Variants in SNAPC4 observed in about 807,000 individuals in gnomAD.
The protein encoded by SNAPC4 is snRNA-activating protein complex subunit 4.
SNAPC4 carries 127 observed loss-of-function variants against 151.3 expected under a neutral mutation model. The observed-to-expected ratio is 0.84, with a 90% confidence interval of 0.73 to 0.97. The LOEUF is 0.97. Ranked by LOEUF, SNAPC4 falls within the 50% of genes least tolerant of loss-of-function variation. SNAPC4 has a pLI of 0.00. For missense variants in SNAPC4, 2,186 were observed against 1,935.0 expected (o/e 1.13, Z -2.43); for synonymous variants, 1,002 against 824.4 (o/e 1.22, Z -3.69).
intron 1 of SNAPC4, among the ~76,000 whole-genome samples, 170 bp downstream of exon 1, chr9:136,399,964 G>A (rs1045963677): frequency 1.3e-5 from 2 of 152,072 alleles, no homozygotes; most frequent in East Asian, 1.9e-4. Flanking sequence ...GCGCGCCCAG[G>A]CTCGGCCGGA....
chr9:136,388,085 T>C (rs1833950084), intron 11 of SNAPC4, among the ~76,000 whole-genome samples: 1 of 152,108 alleles, frequency 6.6e-6, no homozygotes, highest in African/African-American at 2.4e-5. Context: ...CTGACCAACA[T>C]GGTGAAACCC....
At position 136,383,330 on chromosome 9, in the gene SNAPC4, T is replaced by C. The variant is rs371867353; in HGVS notation, c.1839A>G (p.Glu613=). Residue 613 remains glutamate (E), a synonymous_variant, in exon 16 of 24, where the codon GAA becomes GAG. Coordinates refer to ENST00000684778, the MANE Select transcript of SNAPC4 (RefSeq NM_003086.4). The surrounding 1 kb of genome is among the most constrained non-coding windows in gnomAD (Gnocchi z 4.2). ...CAGGAGCCGCGGCTGTGGTGGAAGCTTCCTTGCTGCCGCCCTGGCTGGCAC... is the reference window on the plus strand; with the variant it reads ...CAGGAGCCGCGGCTGTGGTGGAAGCCTCCTTGCTGCCGCCCTGGCTGGCAC... The part of the protein sequence containing the change: ...GSSASQGGSK[E]ASTTAAAPGE... The C allele has an allele frequency of 8.7e-6, 14 of 1,610,992 alleles. No homozygotes were observed. The African/African-American group carries it at 1.7e-4, about 20-fold the overall frequency.
intron 3 of SNAPC4, 138 bp downstream of exon 3, chr9:136,396,838 AT>A: frequency 2.7e-6 from 2 of 751,856 alleles, no homozygotes; most frequent in Non-Finnish European, 4.7e-6. Context: ...ATGCTTTTTA[AT>A]TTTTTTATAA....
intron 17 of SNAPC4, 26 bp downstream of exon 17, chr9:136,382,227 G>A (rs762384803): frequency 3.5e-5 from 57 of 1,608,980 alleles, no homozygotes; most frequent in Non-Finnish European, 4.4e-5. Context: ...GGTGGCGTGC[G>A]CGTGGGTGTC....
chr9:136,380,755 T>C lies in SNAPC4; in HGVS notation c.2484A>G (p.Pro828=). 1 of 1,600,194 alleles carries C rather than the reference T, an allele frequency of 6.2e-7. No individual in the cohort carries two copies. Among genetic ancestry groups the C allele is most frequent in the Non-Finnish European group, 8.6e-7 (1 of 1,168,596 alleles). The change falls in exon 20 of 24, where the codon CCA becomes CCG. Residue 828 remains proline, a synonymous_variant. Coordinates refer to ENST00000684778, the MANE Select transcript of SNAPC4 (RefSeq NM_003086.4). ...RLPQAGARDP[P]VHLLQASSSA... ...TGCCTGCTACCTGCAGAAGATGAAC[T>C]GGTGGGTCCCGAGCACCAGCCTGGG... is the stretch of plus-strand genomic sequence containing the variant.
chr9:136,386,219 G>A (rs1309043767), intron 13 of SNAPC4, among the ~76,000 whole-genome samples: 5 of 151,460 alleles, frequency 3.3e-5, no homozygotes, highest in African/African-American at 1.2e-4. Flanking sequence ...AATGACTCAT[G>A]GCGCCAGGCA....
chr9:136,394,083 A>G (rs1226152929), intron 7 of SNAPC4, among the ~76,000 whole-genome samples, 166 bp downstream of exon 7: 1 of 152,136 alleles, frequency 6.6e-6, no homozygotes, highest in East Asian at 1.9e-4. Flanking sequence ...ACACCCAGCT[A>G]ATTTTTTTAC....
chr9:136,378,994 G>A lies in SNAPC4; in HGVS notation c.2833C>T (p.Pro945Ser), dbSNP rs757329199. The change falls in exon 22 of 24, where the codon CCC becomes TCC. Residue 945 changes from proline (P) to serine (S), a missense_variant. By Grantham distance (74) the Pro-to-Ser change is moderately conservative. Transcript: ENST00000684778. ...GAGAGCGGTACATTTAAGACGGTGG[G>A]ACCCGGGGCTGGGCGGCCGTGTGGG... ...HTPHGRPAPG[P>S]TVLNVPLSGP... is the part of the protein sequence containing the mutation. 1.2e-6 allele frequency: 2 copies of A among 1,607,634 alleles called. No individual in the cohort carries two copies. The highest frequency in any genetic ancestry group is 1.3e-5 in the African/African-American group (1 of 74,912).
Position 136,380,857 on chromosome 9 carries a change from G to A in SNAPC4, c.2389-7C>T. 1 of 1,533,138 alleles carries A rather than the reference G, an allele frequency of 6.5e-7. No homozygotes were observed. 95.0% of individuals were successfully genotyped at this position (1,533,138 alleles called of 1,614,324 possible). A position where few individuals can be genotyped will look rare whatever the true frequency, so the allele number is the denominator to read the frequency against. Reference sequence around the variant, plus strand: ...CAGTATCGATGTGGAACAGCTGCGGGACACAGGAGGCAACCTAACCATAGC... The same window carrying A: ...CAGTATCGATGTGGAACAGCTGCGGAACACAGGAGGCAACCTAACCATAGC... On this transcript the variant is annotated splice_region_variant and splice_polypyrimidine_tract_variant and intron_variant, in intron 19 of 23. Transcript: ENST00000684778.
intron 10 of SNAPC4, among the ~76,000 whole-genome samples, chr9:136,389,191 C>T (rs1588757226): frequency 6.6e-6 from 1 of 152,338 alleles, no homozygotes; most frequent in East Asian, 1.9e-4. Flanking sequence ...CAAATCTTTT[C>T]CTCACTCATC....
Position 136,383,685 on chromosome 9 carries a change from GCTA to G in SNAPC4, c.1501-20_1501-18del. On this transcript the variant is annotated intron_variant, in intron 15 of 23. Transcript: ENST00000684778. This position sits in a 1 kb window ranked among gnomAD's most constrained non-coding sequence, Gnocchi z 4.2. Reference sequence around the variant, plus strand: ...CTGCTTCTTCTGAGGGGAGGAAAGAGCTACTTAGAGGCCTTGGCAAGCCCGGTT... The same window carrying G: ...CTGCTTCTTCTGAGGGGAGGAAAGAGCTTAGAGGCCTTGGCAAGCCCGGTT... The G allele has an allele frequency of 6.3e-7, 1 of 1,586,942 alleles. No individual in the cohort carries two copies. Among genetic ancestry groups the G allele is most frequent in the South Asian group, 1.2e-5 (1 of 85,894 alleles).
chr9:136,377,613 A>T lies in SNAPC4; in HGVS notation c.4214T>A (p.Leu1405His), dbSNP rs200211234. The change falls in exon 22 of 24, where the codon CTC (leucine) becomes CAC (histidine). Residue 1405 changes from leucine to histidine, a missense_variant. Leu to His is a moderately conservative substitution (Grantham distance 99, BLOSUM62 -3). Transcript: ENST00000684778. ...RVGSESEDED[L>H]LSELELADRD... ...GTCTGCAAGTTCCAGCTCACTCAGGAGGTCTTCATCCTCACTCTCAGAGCC... is the reference window on the plus strand; with the variant it reads ...GTCTGCAAGTTCCAGCTCACTCAGGTGGTCTTCATCCTCACTCTCAGAGCC... 9.2e-5 allele frequency: 143 copies of T among 1,557,388 alleles called. 1 individual carries two copies. The Admixed American group carries it at 9.9e-4, about 11-fold the overall frequency.
Position 136,380,838 on chromosome 9 carries a change from C to G in SNAPC4, c.2401G>C (p.Asp801His), listed in dbSNP as rs139682930. Residue 801 changes from aspartate to histidine, a missense_variant, in exon 20 of 24, where the codon GAT (aspartate) becomes CAT (histidine). Asp to His is a moderately conservative substitution (Grantham distance 81, BLOSUM62 -1). Transcript: ENST00000684778. ...FTLFTQLFHI[D>H]TAGCLEVVRE... ...ACGACCTCCAAGCAGCCGGCAGTAT[C>G]GATGTGGAACAGCTGCGGGACACAG... 1.9e-6 allele frequency: 3 copies of G among 1,603,254 alleles called. No individual in the cohort carries two copies. The Admixed American group carries it at 5.0e-5, about 27-fold the overall frequency.
In SNAPC4 at chr9:136,394,268, G is replaced by A. The variant is rs1006248991; in HGVS notation, c.613C>T (p.Leu205Phe). Residue 205 changes from leucine (L) to phenylalanine (F), a missense_variant, in exon 7 of 24, where the codon CTT becomes TTT. Physicochemically the swap from Leu to Phe is conservative, Grantham distance 22 (BLOSUM62 0). Transcript: ENST00000684778. Reference sequence around the variant, plus strand: ...ACTTACTTCAGTAACTTGGGCTGAAGCAATCGCTGCAGGCGGTCACTCACC... The same window carrying A: ...ACTTACTTCAGTAACTTGGGCTGAAACAATCGCTGCAGGCGGTCACTCACC... ...SVVSDRLQRL[L>F]QPKLLKLEYL... is the part of the protein sequence containing the mutation. 13 of 1,613,678 alleles carry A rather than the reference G, an allele frequency of 8.1e-6. No homozygotes were observed. The highest frequency in any genetic ancestry group is 1.0e-5 in the Non-Finnish European group (12 of 1,179,822).
At chr9:136,387,884 G>T in intron 11 of SNAPC4, 36 bp from the exon 12 acceptor site, 2 of 1,155,934 alleles carry the variant, frequency 1.7e-6, no homozygotes, top group Non-Finnish European at 2.6e-6. Flanking sequence ...CTGTGGGGCC[G>T]AGACACACAC....
chr9:136,390,748 A>G (rs1329675976), intron 10 of SNAPC4, among the ~76,000 whole-genome samples: 1 of 152,016 alleles, frequency 6.6e-6, no homozygotes, highest in Non-Finnish European at 1.5e-5. Context: ...AGAAAAAAAG[A>G]AAGCAGACCC....
intron 7 of SNAPC4, among the ~76,000 whole-genome samples, 198 bp from the exon 8 acceptor site, chr9:136,392,975 C>T (rs1006658615): frequency 3.3e-5 from 5 of 152,226 alleles, no homozygotes; most frequent in African/African-American, 1.2e-4. Context: ...GGAAGGGCTG[C>T]AGTGTCTGCT....
chr9:136,392,717 C>T lies in SNAPC4; in HGVS notation c.693G>A (p.Leu231=), dbSNP rs1834123735. 6.2e-7 allele frequency: 1 copy of T among 1,613,748 alleles called. No individual in the cohort carries two copies. ...TCTCGGCTTCCCTGCCCTGCTTCTC[C>T]AGGGCTTGCCTCTCCAGCTCACTGG... ...KVSSELERQA[L]EKQGREAEKE... Residue 231 remains leucine (L), a synonymous_variant, in exon 8 of 24, where the codon CTG becomes CTA. Transcript: ENST00000684778.
At chr9:136,398,578 GC>G in intron 1 of SNAPC4, 141 bp from the exon 2 acceptor site, 1 of 913,068 alleles carries the variant, frequency 1.1e-6, no homozygotes, top group Non-Finnish European at 1.7e-6. Context: ...AGATTAATAG[GC>G]CAGGCACAGA....
Sources: allele counts gnomAD v4.1 joint callset (sites outside exome capture counted in the v4.1 genomes callset), GRCh38; gene constraint gnomAD v4.1.1; non-coding constraint Gnocchi (gnomAD v3.1); transcripts MANE v1.5; gene names NCBI Gene and HGNC (gene_info 2026-07-23, HGNC 2026-07-21).